The following STPG2 variants were observed in gnomAD, a reference collection of about 807,000 sequenced individuals.
STPG2 encodes sperm-tail PG-rich repeat-containing protein 2.
STPG2 carries 56 observed loss-of-function variants against 54.2 expected under a neutral mutation model. The observed-to-expected ratio is 1.03, with a 90% CI of 0.83 to 1.29. The LOEUF is 1.29. Ranked by LOEUF, STPG2 falls within the 50% of genes most tolerant of loss-of-function variation. STPG2 has a pLI of 0.00. For missense variants in STPG2, 596 were observed against 544.9 expected (o/e 1.09, Z -0.93); for synonymous variants, 200 against 181.8 (o/e 1.10, Z -0.81).
intron 10 of STPG2, among the ~76,000 whole-genome samples, chr4:97,670,759 G>T (rs538946589): frequency 3.6e-4 from 55 of 152,144 alleles, no homozygotes; most frequent in Non-Finnish European, 7.1e-4. Flanking sequence ...CTTAGATTGG[G>T]ATATGAAGGC....
At chr4:97,863,077 G>A (rs1217686458) in intron 8 of STPG2, among the ~76,000 whole-genome samples, 2 of 151,668 alleles carry the variant, frequency 1.3e-5, no homozygotes, top group Non-Finnish European at 2.9e-5. Flanking sequence ...GCTAGCAGAA[G>A]GCAAGAAATA....
chr4:97,712,848 G>A, intron 9 of STPG2, 34 bp from the exon 10 acceptor site: 1 of 1,435,678 alleles, frequency 7.0e-7, no homozygotes. Flanking sequence ...TTATGATAAA[G>A]TATATTTTAA....
At chr4:97,471,232 G>A (rs905049672) in intron 4 of STPG2, among the ~76,000 whole-genome samples, 6 of 152,046 alleles carry the variant, frequency 3.9e-5, no homozygotes, top group Non-Finnish European at 7.4e-5. Context: ...TGCAGAAAAC[G>A]TAACCACAGA....
chr4:97,675,717 GC>G (rs955348172), intron 10 of STPG2, among the ~76,000 whole-genome samples: 1 of 151,184 alleles, frequency 6.6e-6, no homozygotes, highest in African/African-American at 2.4e-5. Context: ...TATATATGAA[GC>G]CACCTTCCCT....
Position 97,559,277 on chromosome 4 carries a change from T to A in STPG2, c.1321-160A>T, listed in dbSNP as rs143754363. Reference sequence around the variant, plus strand: ...CTACTTACATCGATAGAGCTTGTTTTATTACTTCGTTCAAAAATTAATTGT... The same window carrying A: ...CTACTTACATCGATAGAGCTTGTTTAATTACTTCGTTCAAAAATTAATTGT... On this transcript the variant is annotated intron_variant, in intron 10 of 10. Transcript: ENST00000295268. Among the ~76,000 whole-genome samples, 18 of 152,344 alleles carry A rather than the reference T, an allele frequency of 1.2e-4. No homozygotes were observed. The East Asian group carries it at 3.3e-3, about 28-fold the overall frequency.
intron 10 of STPG2, among the ~76,000 whole-genome samples, chr4:97,654,149 T>C (rs1722154206): frequency 6.6e-6 from 1 of 152,078 alleles, no homozygotes; most frequent in South Asian, 2.1e-4. Context: ...CTCAATAAAA[T>C]GGTACACCTC....
intron 8 of STPG2, among the ~76,000 whole-genome samples, chr4:97,919,270 T>G (rs765930114): frequency 4.2e-4 from 63 of 151,538 alleles, no homozygotes; most frequent in Middle Eastern, 3.5e-3. Context: ...AATTATCAAT[T>G]TAGGGTTCAT....
At chr4:97,661,738 G>GA (rs547947933) in intron 10 of STPG2, among the ~76,000 whole-genome samples, 5,276 of 141,532 alleles carry the variant, frequency 0.037, 263 homozygotes, top group African/African-American at 0.12. Flanking sequence ...ATACAGAAAA[G>GA]AAAAAAAAAA....
chr4:97,577,641 C>T (rs1272866767), intron 10 of STPG2, among the ~76,000 whole-genome samples: 2 of 152,094 alleles, frequency 1.3e-5, no homozygotes, highest in African/African-American at 2.4e-5. Flanking sequence ...ATGCTCAGTA[C>T]ATGGGTGACA....
intron 8 of STPG2, among the ~76,000 whole-genome samples, chr4:97,940,091 T>C (rs1408137246): frequency 6.6e-6 from 1 of 152,168 alleles, no homozygotes; most frequent in Non-Finnish European, 1.5e-5. Flanking sequence ...AAATTCTTGG[T>C]TGAAGATTTT....
intron 8 of STPG2, among the ~76,000 whole-genome samples, chr4:97,889,986 A>G (rs1006304052): frequency 2.0e-5 from 3 of 152,196 alleles, no homozygotes; most frequent in African/African-American, 7.2e-5. Flanking sequence ...TTAATTTGAA[A>G]TACATTAGAA....
intron 4 of STPG2, among the ~76,000 whole-genome samples, chr4:97,501,403 A>G (rs1474117676): frequency 6.6e-6 from 1 of 152,036 alleles, no homozygotes; most frequent in Non-Finnish European, 1.5e-5. Flanking sequence ...GAGGTGGAAG[A>G]GAAAAAAAAT....
chr4:97,476,928 C>T (rs965131297), intron 4 of STPG2, among the ~76,000 whole-genome samples: 1 of 152,138 alleles, frequency 6.6e-6, no homozygotes, highest in Admixed American at 6.5e-5. Context: ...CAAATGACAT[C>T]TTCAAATGGA....
chr4:97,534,189 G>A (rs1731478054), intron 4 of STPG2, among the ~76,000 whole-genome samples: 1 of 151,866 alleles, frequency 6.6e-6, no homozygotes, highest in African/African-American at 2.4e-5. Flanking sequence ...ATTTCATATT[G>A]TTTATGTTCA....
intron 9 of STPG2, among the ~76,000 whole-genome samples, chr4:97,803,678 C>T: frequency 6.6e-6 from 1 of 152,128 alleles, no homozygotes; most frequent in African/African-American, 2.4e-5. Flanking sequence ...GTAGCTGGGA[C>T]TACAAGTGCG....
intron 5 of STPG2, among the ~76,000 whole-genome samples, chr4:98,023,556 A>T (rs2149293629): frequency 6.6e-6 from 1 of 152,192 alleles, no homozygotes. Flanking sequence ...ATTCTCTTTA[A>T]AGCTGTCAGA....
intron 9 of STPG2, among the ~76,000 whole-genome samples, chr4:97,718,464 A>T (rs1724357468): frequency 6.6e-6 from 1 of 152,042 alleles, no homozygotes; most frequent in Non-Finnish European, 1.5e-5. Flanking sequence ...TTCCAGAAAG[A>T]GGAGCCTACA....
intron 8 of STPG2, chr4:97,892,967 A>C (rs10026181): frequency 1.3e-5 from 2 of 152,052 alleles, no homozygotes; most frequent in African/African-American, 2.4e-5. Flanking sequence ...CAACAGAAAG[A>C]GATGAGTATT....
intron 10 of STPG2, among the ~76,000 whole-genome samples, chr4:97,690,758 C>T (rs375947897): frequency 6.6e-6 from 1 of 152,090 alleles, no homozygotes; most frequent in South Asian, 2.1e-4. Flanking sequence ...TCCTCTAAAG[C>T]TAAGAAAGAA....
Sources: gnomAD v4.1 joint callset for allele counts (sites outside exome capture counted in the v4.1 genomes callset) on GRCh38, gnomAD v4.1.1 for gene constraint, MANE v1.5 for transcripts, NCBI Gene and HGNC (gene_info 2026-07-23, HGNC 2026-07-21) for gene names.